KCNK10: variants seen among roughly 807,000 people sequenced by gnomAD.
KCNK10 encodes the protein potassium channel subfamily K member 10.
KCNK10 carries 25 observed loss-of-function variants against 47.7 expected under a neutral mutation model. The observed-to-expected ratio is 0.52, with a 90% CI of 0.38 to 0.73. KCNK10 has a LOEUF of 0.73. Among genes scored for constraint, KCNK10 ranks in the 30% least tolerant of loss-of-function variants. The pLI is 0.00. For missense variants in KCNK10, 563 were observed against 714.5 expected (o/e 0.79, Z 2.42); for synonymous variants, 303 against 285.6 (o/e 1.06, Z -0.61).
intron 4 of KCNK10, among the ~76,000 whole-genome samples, chr14:88,220,416 C>CAAAAAAAAAAA (rs58562095): frequency 1.3e-4 from 4 of 30,158 alleles, no homozygotes; most frequent in Non-Finnish European, 1.6e-4. Context: ...GACTCCGTCT[C>CAAAAAAAAAAA]AAAAAAAAAA....
At chr14:88,189,641 C>A (rs1255913833) in intron 5 of KCNK10, among the ~76,000 whole-genome samples, 1 of 152,170 alleles carries the variant, frequency 6.6e-6, no homozygotes, top group East Asian at 1.9e-4. Flanking sequence ...GACAGAGTTG[C>A]GAAATATTGT....
At chr14:88,212,242 A>T (rs1885486648) in intron 4 of KCNK10, among the ~76,000 whole-genome samples, 1 of 151,884 alleles carries the variant, frequency 6.6e-6, no homozygotes, top group African/African-American at 2.4e-5. Flanking sequence ...GGAGTTCAAG[A>T]CCAGCCTGAC....
At chr14:88,226,822 A>G (rs932609299) in intron 4 of KCNK10, among the ~76,000 whole-genome samples, 1 of 152,242 alleles carries the variant, frequency 6.6e-6, no homozygotes, top group African/African-American at 2.4e-5. Context: ...TCAACAGTTC[A>G]GTAGGAAGTA....
intron 3 of KCNK10, among the ~76,000 whole-genome samples, chr14:88,232,237 A>G (rs1886178529): frequency 6.6e-6 from 1 of 152,248 alleles, no homozygotes; most frequent in Non-Finnish European, 1.5e-5. Flanking sequence ...CACTTTTCAA[A>G]GAACTTTAGT....
chr14:88,320,943 C>T (rs1227521844), intron 1 of KCNK10, among the ~76,000 whole-genome samples: 1 of 152,212 alleles, frequency 6.6e-6, no homozygotes, highest in African/African-American at 2.4e-5. Flanking sequence ...CCAGTCATAT[C>T]TCAAAACACA....
intron 4 of KCNK10, among the ~76,000 whole-genome samples, chr14:88,205,304 A>G (rs12890892): frequency 0.57 from 86,801 of 151,920 alleles, 24,957 homozygotes; most frequent in East Asian, 0.72. Flanking sequence ...AATGCTTGTC[A>G]GACTCCTGTT....
At chr14:88,265,770 A>C (rs893120652) in intron 1 of KCNK10, among the ~76,000 whole-genome samples, 2 of 152,176 alleles carry the variant, frequency 1.3e-5, no homozygotes, top group Admixed American at 1.3e-4. Context: ...TGTTCTCGTG[A>C]TAGTGAATAA....
chr14:88,222,614 T>C (rs1324751997), intron 4 of KCNK10, among the ~76,000 whole-genome samples: 1 of 152,162 alleles, frequency 6.6e-6, no homozygotes, highest in African/African-American at 2.4e-5. Context: ...GTGCGGGATG[T>C]TGATAATGAG....
At chr14:88,223,317 T>C (rs1446353315) in intron 4 of KCNK10, among the ~76,000 whole-genome samples, 1 of 151,962 alleles carries the variant, frequency 6.6e-6, no homozygotes, top group Non-Finnish European at 1.5e-5. Context: ...CCTTTTTTTT[T>C]TTTTTTTGCT....
At position 88,184,494 on chromosome 14, in the gene KCNK10, A is replaced by G. The variant is rs1449107078; in HGVS notation, c.*1041T>C. 6.6e-6 allele frequency: 1 copy of G among 152,304 alleles called. No homozygotes were observed. The allele number at this position is 152,304 out of a possible 1,614,324, so 9.4% of individuals were successfully genotyped here. Reference sequence around the variant, plus strand: ...TGGATCTTATCACTATGTCTACCCTAAGACACCCAAGGGACAAAAAGCCCT... The same window carrying G: ...TGGATCTTATCACTATGTCTACCCTGAGACACCCAAGGGACAAAAAGCCCT... On this transcript the variant is annotated 3_prime_UTR_variant, in exon 7 of 7. Coordinates refer to ENST00000319231, the MANE Select transcript of KCNK10 (RefSeq NM_138317.3).
chr14:88,282,638 G>A (rs1887675716), intron 1 of KCNK10, among the ~76,000 whole-genome samples: 2 of 152,106 alleles, frequency 1.3e-5, no homozygotes, highest in East Asian at 3.9e-4. Flanking sequence ...TACCCCCATG[G>A]TCCTCCATTT....
In KCNK10 at chr14:88,185,894, G is replaced by C; in HGVS notation, c.1273C>G (p.Pro425Ala). The change falls in exon 7 of 7, where the codon CCC becomes GCC. Residue 425 changes from proline to alanine, a missense_variant. By Grantham distance (27) the Pro-to-Ala change is conservative. Transcript: ENST00000319231. This position sits in a 1 kb window ranked among gnomAD's most constrained non-coding sequence, Gnocchi z 4.3. ...GGCCCCTTCAGGCGCAGGTTGTTGG[G>C]CCGGTTGTTGATGCTCTCCTGGGAT... The part of the protein sequence containing the change: ...ASSQESINNR[P>A]NNLRLKGPEQ... The C allele has an allele frequency of 6.2e-7, 1 of 1,614,064 alleles. No homozygotes were observed. Among genetic ancestry groups the C allele is most frequent in the South Asian group, 1.1e-5 (1 of 91,058 alleles).
At chr14:88,211,410 A>G (rs1885453278) in intron 4 of KCNK10, among the ~76,000 whole-genome samples, 1 of 152,230 alleles carries the variant, frequency 6.6e-6, no homozygotes, top group Non-Finnish European at 1.5e-5. Flanking sequence ...GGAAGATGGA[A>G]AAGTTCTGGA....
Position 88,299,634 on chromosome 14 carries a change from G to A in KCNK10, c.52+23113C>T, listed in dbSNP as rs547566539. Among the ~76,000 whole-genome samples, 47 of 152,172 alleles carry A rather than the reference G, an allele frequency of 3.1e-4. 1 individual carries two copies. Among genetic ancestry groups the A allele is most frequent in the South Asian group, 8.3e-4 (4 of 4,820 alleles). ...CATATGCAACATTTTTTTAATGGCC[G>A]CAGGTTTAATTTACTGTGCATTTGG... On this transcript the variant is annotated intron_variant, in intron 1 of 6. Transcript: ENST00000319231.
rs1888578195 is a variant in KCNK10 at position 88,322,889 on chromosome 14, A to G, written c.-91T>C. ...ACACGCCTCGGTTTAGCAGTCCAAC[A>G]AAACAATTTCCGAGGATGGGGGAGC... On this transcript the variant is annotated 5_prime_UTR_variant, in exon 1 of 7. Coordinates refer to ENST00000319231, the MANE Select transcript of KCNK10 (RefSeq NM_138317.3). The surrounding 1 kb of genome is among the most constrained non-coding windows in gnomAD (Gnocchi z 4.8). 6.3e-7 allele frequency: 1 copy of G among 1,599,562 alleles called. No homozygotes were observed.
intron 1 of KCNK10, among the ~76,000 whole-genome samples, chr14:88,282,713 C>T (rs1887677095): frequency 6.6e-6 from 1 of 152,164 alleles, no homozygotes; most frequent in Admixed American, 6.5e-5. Flanking sequence ...CCAAAGATTG[C>T]AGAAGAAATG....
In KCNK10 at chr14:88,233,718, T is replaced by C. The variant is rs116089479; in HGVS notation, c.521-6183A>G. ...ATGGAGCCACCATTCCTCAGTCACA[T>C]AATATTATGTGGATCAATAAACATA... is the stretch of plus-strand genomic sequence containing the variant. On this transcript the variant is annotated intron_variant, in intron 3 of 6. Coordinates refer to ENST00000319231, the MANE Select transcript of KCNK10 (RefSeq NM_138317.3). 6.6e-3 allele frequency among the ~76,000 whole-genome samples: 998 copies of C among 152,348 alleles called. 10 individuals carry two copies. The highest frequency in any genetic ancestry group is 0.023 in the African/African-American group (956 of 41,566).
intron 3 of KCNK10, among the ~76,000 whole-genome samples, chr14:88,239,524 G>A (rs1023775933): frequency 4.6e-5 from 7 of 152,308 alleles, no homozygotes; most frequent in East Asian, 1.9e-4. Flanking sequence ...GCTGGTTAAC[G>A]AATAGAACAC....
chr14:88,274,089 C>T (rs1887472706), intron 1 of KCNK10, among the ~76,000 whole-genome samples: 1 of 135,960 alleles, frequency 7.4e-6, no homozygotes, highest in Admixed American at 7.7e-5. Flanking sequence ...GCCAGGTGAG[C>T]CTTCTGAAAT....
Sources: gnomAD v4.1 joint callset for allele counts (sites outside exome capture counted in the v4.1 genomes callset) on GRCh38, gnomAD v4.1.1 for gene constraint, Gnocchi (gnomAD v3.1) non-coding constraint, MANE v1.5 for transcripts, NCBI Gene and HGNC (gene_info 2026-07-23, HGNC 2026-07-21) for gene names.